PTPRA: variants seen among roughly 807,000 people sequenced by gnomAD.
PTPRA encodes protein tyrosine phosphatase receptor type A.
In PTPRA, 25 loss-of-function variants were observed where a neutral mutation model predicts 104.8. The ratio of observed to expected loss-of-function variants is 0.24; its 90% CI spans 0.17 to 0.33. The LOEUF is 0.33. Ranked by LOEUF, PTPRA falls within the 10% of genes least tolerant of loss-of-function variation. The pLI, the probability that PTPRA is intolerant of heterozygous loss-of-function variation, is 1.00. For synonymous variants in PTPRA, 323 were observed against 368.9 expected (o/e 0.88, Z 1.43); for missense variants, 765 against 1,015.3 (o/e 0.75, Z 3.35).
intron 11 of PTPRA, among the ~76,000 whole-genome samples, chr20:3,010,974 C>A (rs2148344714): frequency 6.6e-6 from 1 of 152,336 alleles, no homozygotes; most frequent in East Asian, 1.9e-4. Flanking sequence ...CATCTGCCAC[C>A]GTAACCAGTT....
At chr20:2,874,160 C>T (rs979065284) in intron 1 of PTPRA, among the ~76,000 whole-genome samples, 1 of 152,148 alleles carries the variant, frequency 6.6e-6, no homozygotes, top group South Asian at 2.1e-4. Flanking sequence ...CAGTGACCAA[C>T]TTTTCTTTCC....
At chr20:3,015,995 G>A (rs1474972795) in intron 12 of PTPRA, 110 bp downstream of exon 12, 11 of 1,091,154 alleles carry the variant, frequency 1.0e-5, no homozygotes, top group Non-Finnish European at 1.5e-5. Context: ...TAGCTTTTCT[G>A]TACTTTTTAC....
chr20:3,026,792 C>T lies in PTPRA; in HGVS notation c.1708+12C>T, dbSNP rs758328946. ...ACAGATCATTCCATGTAAGAGCCCT[C>T]CCGCCACTCCAAAGCCTTATTGCCC... On this transcript the variant is annotated intron_variant, in intron 18 of 23. Coordinates refer to ENST00000399903, the MANE Select transcript of PTPRA (RefSeq NM_001385305.1). 5.7e-6 allele frequency: 9 copies of T among 1,572,274 alleles called. No individual in the cohort carries two copies. The East Asian group carries it at 2.0e-4, about 35-fold the overall frequency.
intron 9 of PTPRA, among the ~76,000 whole-genome samples, chr20:2,997,367 A>G (rs1255369685): frequency 6.6e-6 from 1 of 152,182 alleles, no homozygotes; most frequent in Non-Finnish European, 1.5e-5. Flanking sequence ...ATTTTTTTGA[A>G]TATGGGAAAT....
chr20:2,865,779 G>C, the PTPRA span: 2 of 511,006 alleles, frequency 3.9e-6, no homozygotes, highest in Non-Finnish European at 7.0e-6. This position sits in a 1 kb window ranked among gnomAD's most constrained non-coding sequence, Gnocchi z 5.2. Flanking sequence ...GGAAAGTCTT[G>C]TCTGAGGAGG....
chr20:2,918,983 G>T (rs762856427), intron 1 of PTPRA, among the ~76,000 whole-genome samples: 1 of 152,166 alleles, frequency 6.6e-6, no homozygotes, highest in East Asian at 1.9e-4. Context: ...TAAATAATGT[G>T]CATTGTACAA....
At chr20:2,963,761 A>G (rs534039019) in intron 3 of PTPRA, among the ~76,000 whole-genome samples, 47 of 152,258 alleles carry the variant, frequency 3.1e-4, no homozygotes, top group African/African-American at 1.0e-3. Context: ...ATTAGGGACT[A>G]GGTGTGGGAG....
At chr20:3,008,739 A>C (rs1397097978) in intron 11 of PTPRA, among the ~76,000 whole-genome samples, 68 of 117,836 alleles carry the variant, frequency 5.8e-4, no homozygotes, top group Admixed American at 1.3e-3. Flanking sequence ...AAAAAAAAAA[A>C]AAAAACAAAA....
chr20:2,864,404 G>A, the PTPRA span: 5 of 1,614,048 alleles, frequency 3.1e-6, no homozygotes, highest in Admixed American at 3.3e-5. This position sits in a 1 kb window ranked among gnomAD's most constrained non-coding sequence, Gnocchi z 5.2. Context: ...GAGCTGAACC[G>A]AGGAGATTTT....
At chr20:2,921,188 T>C (rs997980295) in intron 1 of PTPRA, among the ~76,000 whole-genome samples, 3 of 152,162 alleles carry the variant, frequency 2.0e-5, no homozygotes, top group Non-Finnish European at 4.4e-5. Context: ...ATGGGCTCTG[T>C]AGTCTCTTCT....
At chr20:2,907,159 T>C (rs2059456279) in intron 1 of PTPRA, among the ~76,000 whole-genome samples, 1 of 152,236 alleles carries the variant, frequency 6.6e-6, no homozygotes. Context: ...AAGTTTCATA[T>C]ATAAGTGTTG....
intron 1 of PTPRA, among the ~76,000 whole-genome samples, chr20:2,880,371 T>G (rs2089978934): frequency 6.6e-6 from 1 of 152,218 alleles, no homozygotes; most frequent in African/African-American, 2.4e-5. Context: ...ACTGTAGAAC[T>G]TTGGGTGTCC....
intron 9 of PTPRA, among the ~76,000 whole-genome samples, chr20:2,988,688 C>T (rs2063010935): frequency 6.6e-6 from 1 of 152,238 alleles, no homozygotes; most frequent in Non-Finnish European, 1.5e-5. Flanking sequence ...TCCATTCAGT[C>T]ATCATCACAT....
chr20:2,966,474 G>A (rs1216307193), intron 5 of PTPRA, among the ~76,000 whole-genome samples: 1 of 152,190 alleles, frequency 6.6e-6, no homozygotes, highest in Non-Finnish European at 1.5e-5. Flanking sequence ...TATTGTTGTG[G>A]TTATTGCTCT....
chr20:2,932,699 A>G (rs1002727315), intron 2 of PTPRA, among the ~76,000 whole-genome samples: 10 of 152,206 alleles, frequency 6.6e-5, no homozygotes, highest in Admixed American at 2.0e-4. Context: ...GAAACTGACA[A>G]AGGAAGGATA....
chr20:2,900,110 A>G (rs904976259), intron 1 of PTPRA, among the ~76,000 whole-genome samples: 5 of 149,528 alleles, frequency 3.3e-5, no homozygotes, highest in Middle Eastern at 3.4e-3. Context: ...ACTCCATCTC[A>G]AAAACAAAAC....
intron 11 of PTPRA, among the ~76,000 whole-genome samples, chr20:3,015,285 T>TTTTC (rs1052725845): frequency 7.9e-5 from 12 of 151,898 alleles, no homozygotes; most frequent in Admixed American, 3.3e-4. Flanking sequence ...TGGATTTCTT[T>TTTTC]TTTCTTTCTT....
chr20:3,026,613 C>G, intron 17 of PTPRA, 74 bp from the exon 18 acceptor site: 1 of 1,217,920 alleles, frequency 8.2e-7, no homozygotes, highest in Non-Finnish European at 1.2e-6. Context: ...GAGGTGCAGG[C>G]CAAGGGACAG....
intron 9 of PTPRA, among the ~76,000 whole-genome samples, chr20:3,000,348 G>C (rs1338750861): frequency 1.3e-5 from 2 of 152,138 alleles, no homozygotes; most frequent in Non-Finnish European, 2.9e-5. Context: ...CACGGAAGAG[G>C]AAACTCTTTT....
Sources: gnomAD v4.1 joint callset for allele counts (sites outside exome capture counted in the v4.1 genomes callset) on GRCh38, gnomAD v4.1.1 for gene constraint, Gnocchi (gnomAD v3.1) non-coding constraint, MANE v1.5 for transcripts, NCBI Gene and HGNC (gene_info 2026-07-23, HGNC 2026-07-21) for gene names.